Variants in ARFGEF1 observed in about 807,000 individuals in gnomAD.
ARFGEF1 encodes the protein brefeldin A-inhibited guanine nucleotide-exchange protein 1.
ARFGEF1 carries 42 observed loss-of-function variants against 231.0 expected under a neutral mutation model. That is an observed-to-expected ratio of 0.18 (90% CI 0.14 to 0.24). ARFGEF1 has a LOEUF of 0.24. ARFGEF1 is among the 10% of genes least tolerant of loss of function. The pLI is 1.00. For synonymous variants in ARFGEF1, 710 were observed against 732.3 expected, an observed-to-expected ratio of 0.97 and a Z score of 0.49; for missense variants, 1,345 against 2,192.0, an observed-to-expected ratio of 0.61 and a Z score of 7.72.
At chr8:67,341,631 A>T (rs1019809074) in intron 1 of ARFGEF1, among the ~76,000 whole-genome samples, 1 of 152,124 alleles carries the variant, frequency 6.6e-6, no homozygotes, top group Non-Finnish European at 1.5e-5. Context: ...TTTAATTTGA[A>T]TCTCTCTAAA....
At chr8:67,179,763 A>C (rs1018638542) in intron 5 of ARFGEF1, 33 of 761,602 alleles carry the variant, frequency 4.3e-5, no homozygotes, top group Middle Eastern at 2.3e-4. Flanking sequence ...CTCTGCTTTT[A>C]GGGAGAACAG....
At chr8:67,311,470 G>A (rs1807052288) in intron 1 of ARFGEF1, among the ~76,000 whole-genome samples, 1 of 142,638 alleles carries the variant, frequency 7.0e-6, no homozygotes, top group South Asian at 2.2e-4. Context: ...AGGTGGGGGG[G>A]TCAGCCACCC....
chr8:67,341,170 C>T (rs1314357602), intron 1 of ARFGEF1, among the ~76,000 whole-genome samples: 3 of 152,086 alleles, frequency 2.0e-5, no homozygotes, highest in Admixed American at 2.0e-4. Flanking sequence ...TTAAAATATG[C>T]TTACTTATGT....
intron 1 of ARFGEF1, 116 bp downstream of exon 1, chr8:67,343,048 C>T: frequency 1.6e-6 from 2 of 1,251,816 alleles, no homozygotes; most frequent in Non-Finnish European, 2.2e-6. Context: ...GCGAGGGCTT[C>T]CCGAGGTCAG....
chr8:67,192,375 C>T (rs1836593498), intron 5 of ARFGEF1, among the ~76,000 whole-genome samples: 1 of 152,100 alleles, frequency 6.6e-6, no homozygotes, highest in African/African-American at 2.4e-5. Context: ...GCGCCCAGCC[C>T]TTTGTCCATT....
chr8:67,239,634 C>T (rs1284435713), intron 20 of ARFGEF1, among the ~76,000 whole-genome samples: 1 of 151,902 alleles, frequency 6.6e-6, no homozygotes, highest in African/African-American at 2.4e-5. Context: ...CTACGCTATA[C>T]TTTTTGCAAG....
intron 15 of ARFGEF1, among the ~76,000 whole-genome samples, chr8:67,258,924 T>C (rs952778448): frequency 6.6e-6 from 1 of 151,714 alleles, no homozygotes; most frequent in African/African-American, 2.4e-5. Flanking sequence ...CCATGGATGC[T>C]CAAGTTCCTT....
At chr8:67,194,186 A>G (rs975880359), downstream of ARFGEF1, among the ~76,000 whole-genome samples, 2 of 152,196 alleles carry the variant, frequency 1.3e-5, no homozygotes, top group Non-Finnish European at 2.9e-5. Context: ...ACCCTTTTCT[A>G]TACCAGTGCT....
At chr8:67,209,407 CA>C (rs1328449509) in intron 34 of ARFGEF1, among the ~76,000 whole-genome samples, 2 of 151,836 alleles carry the variant, frequency 1.3e-5, no homozygotes, top group East Asian at 3.9e-4. Context: ...TAGTGGCTGC[CA>C]GGGGCTGGGG....
At chr8:67,320,392 A>G (rs1807530540) in intron 1 of ARFGEF1, among the ~76,000 whole-genome samples, 1 of 152,134 alleles carries the variant, frequency 6.6e-6, no homozygotes, top group Non-Finnish European at 1.5e-5. Context: ...AAGAACGCAA[A>G]TACACCGTTG....
At chr8:67,222,884 CCTGT>C (rs963238353) in intron 29 of ARFGEF1, among the ~76,000 whole-genome samples, 10 of 152,204 alleles carry the variant, frequency 6.6e-5, no homozygotes, top group Non-Finnish European at 1.2e-4. Context: ...CTGCACCCAG[CCTGT>C]TTAGATATGT....
In ARFGEF1 at chr8:67,310,417, G is replaced by C. The variant is rs1189967651; in HGVS notation, c.125-7951C>G. ...CTCAGTGCTCAATAGTGCCCAGGCTGGAGTGCAGTGGCGTGATCTCGGCTC... is the reference window on the plus strand; with the variant it reads ...CTCAGTGCTCAATAGTGCCCAGGCTCGAGTGCAGTGGCGTGATCTCGGCTC... On this transcript the variant is annotated intron_variant, in intron 1 of 38. Coordinates refer to ENST00000262215, the MANE Select transcript of ARFGEF1 (RefSeq NM_006421.5). Among the ~76,000 whole-genome samples the C allele has an allele frequency of 3.3e-5, 5 of 152,326 alleles. No homozygotes were observed. In the East Asian group the frequency reaches 5.8e-4, roughly 18 times the overall value.
At chr8:67,302,812 C>T (rs947792423) in intron 1 of ARFGEF1, among the ~76,000 whole-genome samples, 3 of 150,292 alleles carry the variant, frequency 2.0e-5, no homozygotes, top group Non-Finnish European at 2.9e-5. Context: ...CAGTGGCTCA[C>T]GCCTGTAATC....
Position 67,200,390 on chromosome 8 carries a change from A to G in ARFGEF1, c.5385+6T>C, listed in dbSNP as rs754933620. 1 of 1,535,948 alleles carries G rather than the reference A, an allele frequency of 6.5e-7. No individual in the cohort carries two copies. Among genetic ancestry groups the G allele is most frequent in the Non-Finnish European group, 9.0e-7 (1 of 1,109,026 alleles). ...TGTGGGGCTGGATTCGAAGCCTCAT[A>G]CTTACCCTATTATCACTTATCTTTA... On this transcript the variant is annotated splice_donor_region_variant and intron_variant, in intron 38 of 38. Transcript: ENST00000262215.
In ARFGEF1 at chr8:67,343,147, G is replaced by A; in HGVS notation, c.124+17C>T. On this transcript the variant is annotated intron_variant, in intron 1 of 38. Transcript: ENST00000262215. ...CCACAACAAGCACCCCATCCCCCGG[G>A]CCTCCTCCCCGCTCACCTAACGCCA... The A allele has an allele frequency of 1.3e-6, 2 of 1,492,280 alleles. No individual in the cohort carries two copies. Among genetic ancestry groups the A allele is most frequent in the Non-Finnish European group, 1.8e-6 (2 of 1,107,158 alleles). 92.4% of individuals were successfully genotyped at this position (1,492,280 alleles called of 1,614,324 possible).
chr8:67,326,313 A>G (rs1203350139), intron 1 of ARFGEF1, among the ~76,000 whole-genome samples: 1 of 152,274 alleles, frequency 6.6e-6, no homozygotes, highest in Non-Finnish European at 1.5e-5. Flanking sequence ...CATATAATTG[A>G]AAAGAACTTG....
intron 19 of ARFGEF1, among the ~76,000 whole-genome samples, chr8:67,243,759 C>T (rs1840004749): frequency 6.6e-6 from 1 of 152,102 alleles, no homozygotes; most frequent in Non-Finnish European, 1.5e-5. Context: ...CCTCACCAAA[C>T]GAACTAAATA....
At chr8:67,224,335 G>A (rs1381061357) in intron 29 of ARFGEF1, among the ~76,000 whole-genome samples, 1 of 152,138 alleles carries the variant, frequency 6.6e-6, no homozygotes, top group Non-Finnish European at 1.5e-5. Context: ...CGTGACCTAA[G>A]AACAGTGTGT....
chr8:67,201,857 A>AT (rs977898678), intron 36 of ARFGEF1: 25 of 419,704 alleles, frequency 6.0e-5, no homozygotes, highest in African/African-American at 4.4e-4. Flanking sequence ...CTGCACTTGA[A>AT]TCCCCAAAGC....
Sources: allele counts gnomAD v4.1 joint callset (sites outside exome capture counted in the v4.1 genomes callset), GRCh38; gene constraint gnomAD v4.1.1; transcripts MANE v1.5; gene names NCBI Gene and HGNC (gene_info 2026-07-23, HGNC 2026-07-21).